Variants in SNTG1 observed in about 807,000 individuals in gnomAD.
SNTG1 encodes the protein syntrophin gamma 1, also known as gamma-1-syntrophin.
In SNTG1, 39 loss-of-function variants were observed where a neutral mutation model predicts 74.7. The observed-to-expected ratio is 0.52, with a 90% CI of 0.40 to 0.68. The LOEUF (loss-of-function observed/expected upper bound fraction) is 0.68, where lower values mean the gene tolerates loss of function less well. Ranked by LOEUF, SNTG1 falls within the 30% of genes least tolerant of loss-of-function variation. The pLI, the probability that SNTG1 is intolerant of heterozygous loss-of-function variation, is 0.00. For synonymous variants in SNTG1, 254 were observed against 217.1 expected, an observed-to-expected ratio of 1.17 and a Z score of -1.49; for missense variants, 685 against 609.5, an observed-to-expected ratio of 1.12 and a Z score of -1.30.
At chr8:50,089,722 A>T (rs961539059) in intron 1 of SNTG1, among the ~76,000 whole-genome samples, 1 of 152,192 alleles carries the variant, frequency 6.6e-6, no homozygotes, top group Non-Finnish European at 1.5e-5. Context: ...ATCTCACACC[A>T]GTTAGAATGG....
intron 2 of SNTG1, among the ~76,000 whole-genome samples, chr8:50,392,073 T>C (rs756485625): frequency 4.3e-4 from 66 of 152,038 alleles, no homozygotes; most frequent in Non-Finnish European, 7.2e-4. Flanking sequence ...AAACAGACAG[T>C]AAGGAAAACT....
intron 2 of SNTG1, among the ~76,000 whole-genome samples, chr8:50,321,909 G>T (rs766410433): frequency 6.6e-6 from 1 of 151,972 alleles, no homozygotes; most frequent in Non-Finnish European, 1.5e-5. Context: ...TTAAAAATGT[G>T]TTGTAGTTAT....
intron 5 of SNTG1, among the ~76,000 whole-genome samples, chr8:50,445,106 C>A (rs910610393): frequency 1.3e-5 from 2 of 152,172 alleles, no homozygotes; most frequent in African/African-American, 2.4e-5. Flanking sequence ...CTATTTTAGA[C>A]TTTCATATGA....
chr8:50,689,027 T>C (rs1030114384), intron 15 of SNTG1, among the ~76,000 whole-genome samples: 5 of 150,812 alleles, frequency 3.3e-5, no homozygotes, highest in Non-Finnish European at 7.4e-5. Context: ...CAATTGTGAA[T>C]GGGAATTCAC....
In SNTG1 at chr8:50,539,294, T is replaced by TTTG. The variant is rs530555383; in HGVS notation, c.680+2504_680+2506dup. On this transcript the variant is annotated intron_variant, in intron 11 of 18. Transcript: ENST00000642720. ...ATTCAGATTACTATTTAATCTGGGT[T>TTTG]TTGTTGTTGTTGTTGTTGTTCTTGT... Among the ~76,000 whole-genome samples, 30 of 152,170 alleles carry TTTG rather than the reference T, an allele frequency of 2.0e-4. No individual in the cohort carries two copies. In the East Asian group the frequency reaches 4.4e-3, roughly 23 times the overall value.
At chr8:50,562,896 T>G (rs1388245096) in intron 12 of SNTG1, among the ~76,000 whole-genome samples, 2 of 152,166 alleles carry the variant, frequency 1.3e-5, no homozygotes, top group Non-Finnish European at 2.9e-5. Context: ...TATAACCAAC[T>G]GACATCATCA....
chr8:50,128,277 A>G (rs2081208570), intron 1 of SNTG1, among the ~76,000 whole-genome samples: 1 of 152,154 alleles, frequency 6.6e-6, no homozygotes, highest in Non-Finnish European at 1.5e-5. Flanking sequence ...AGCATAAACT[A>G]AATAAAATGA....
intron 5 of SNTG1, among the ~76,000 whole-genome samples, chr8:50,448,167 G>A (rs982367422): frequency 3.3e-5 from 5 of 152,116 alleles, no homozygotes; most frequent in East Asian, 1.9e-4. Flanking sequence ...TGAGGGGTGC[G>A]GTGCATGAAT....
chr8:50,211,225 A>G (rs1420040687), intron 2 of SNTG1, among the ~76,000 whole-genome samples: 4 of 152,134 alleles, frequency 2.6e-5, no homozygotes, highest in Admixed American at 2.0e-4. Context: ...ATGGAAATTT[A>G]TTGTTTAGTA....
At chr8:50,195,401 C>A (rs553957696) in intron 2 of SNTG1, among the ~76,000 whole-genome samples, 92 of 152,158 alleles carry the variant, frequency 6.0e-4, no homozygotes, top group African/African-American at 2.1e-3. Flanking sequence ...TTGGTTCTTC[C>A]CCCATCTGTA....
At chr8:50,417,656 T>C (rs2093031291) in intron 4 of SNTG1, among the ~76,000 whole-genome samples, 1 of 152,162 alleles carries the variant, frequency 6.6e-6, no homozygotes, top group South Asian at 2.1e-4. Context: ...GATGACAATG[T>C]CGTATCAACT....
intron 2 of SNTG1, among the ~76,000 whole-genome samples, chr8:50,230,515 A>G (rs777677516): frequency 2.0e-5 from 3 of 151,372 alleles, no homozygotes; most frequent in African/African-American, 4.8e-5. Context: ...TATCAAATAC[A>G]TAATTTCGGA....
chr8:50,703,847 T>C (rs1563764152), intron 15 of SNTG1, among the ~76,000 whole-genome samples: 1 of 152,186 alleles, frequency 6.6e-6, no homozygotes. Context: ...CACCGTCGCA[T>C]ATGCAGTTCA....
intron 2 of SNTG1, among the ~76,000 whole-genome samples, chr8:50,349,883 G>C (rs1466606333): frequency 6.6e-6 from 1 of 152,164 alleles, no homozygotes; most frequent in African/African-American, 2.4e-5. Flanking sequence ...GGCCAAGGTA[G>C]GAGCCGGCTC....
chr8:50,578,075 G>A lies in SNTG1; in HGVS notation c.811-12804G>A, dbSNP rs113748945. 8.0e-3 allele frequency among the ~76,000 whole-genome samples: 1,225 copies of A among 152,236 alleles called. 10 individuals are homozygous for A. Among genetic ancestry groups the A allele is most frequent in the Non-Finnish European group, 0.013 (915 of 68,022 alleles). ...AATTTTTTCTGATAACACTTGTTAG[G>A]GTCATATGGACATTCTGCTAGACTG... is the stretch of plus-strand genomic sequence containing the variant. On this transcript the variant is annotated intron_variant, in intron 12 of 18. Coordinates refer to ENST00000642720, the MANE Select transcript of SNTG1 (RefSeq NM_018967.5).
intron 11 of SNTG1, among the ~76,000 whole-genome samples, chr8:50,542,708 C>T (rs571104801): frequency 2.0e-5 from 3 of 152,252 alleles, no homozygotes; most frequent in Non-Finnish European, 4.4e-5. Flanking sequence ...ACATTTTCAC[C>T]AACAGTGCAT....
intron 2 of SNTG1, among the ~76,000 whole-genome samples, chr8:50,225,201 T>G (rs2085267998): frequency 6.6e-6 from 1 of 152,126 alleles, no homozygotes; most frequent in Admixed American, 6.5e-5. Context: ...CTTGATCTCC[T>G]GACCTCGTGA....
At chr8:50,651,469 G>C (rs528826999) in intron 13 of SNTG1, among the ~76,000 whole-genome samples, 26 of 151,910 alleles carry the variant, frequency 1.7e-4, no homozygotes, top group East Asian at 5.8e-4. Flanking sequence ...GTTTTCTTTT[G>C]GGGGGTGGAT....
At chr8:50,006,257 G>A (rs947954926) in intron 1 of SNTG1, among the ~76,000 whole-genome samples, 11 of 151,982 alleles carry the variant, frequency 7.2e-5, no homozygotes, top group Non-Finnish European at 1.2e-4. Flanking sequence ...CACCGTGCCC[G>A]GCCTAGTAGC....
Sources: gnomAD v4.1 joint callset for allele counts (sites outside exome capture counted in the v4.1 genomes callset) on GRCh38, gnomAD v4.1.1 for gene constraint, MANE v1.5 for transcripts, NCBI Gene and HGNC (gene_info 2026-07-23, HGNC 2026-07-21) for gene names.